Variants in CDH13 observed in about 807,000 individuals in gnomAD.
The protein encoded by CDH13 is cadherin-13.
CDH13 carries 24 observed loss-of-function variants against 63.8 expected under a neutral mutation model. The observed-to-expected ratio is 0.38, with a 90% confidence interval of 0.27 to 0.53. The LOEUF is 0.53. CDH13 is among the 20% of genes least tolerant of loss of function. The probability of loss-of-function intolerance (pLI) is 0.85; values close to 1 mark genes in which losing one functional copy is unlikely to be tolerated. For synonymous variants in CDH13, 503 were observed against 355.3 expected (o/e 1.42, Z -4.67); for missense variants, 1,049 against 903.1 (o/e 1.16, Z -2.07).
intron 5 of CDH13, among the ~76,000 whole-genome samples, chr16:83,336,059 G>T (rs1261594160): frequency 1.3e-5 from 2 of 152,030 alleles, no homozygotes; most frequent in African/African-American, 4.8e-5. Flanking sequence ...TCAGCACTTT[G>T]GGTGCCTGAG....
intron 1 of CDH13, among the ~76,000 whole-genome samples, chr16:82,729,878 C>G (rs1265933129): frequency 6.6e-6 from 1 of 152,220 alleles, no homozygotes. Flanking sequence ...TTGCAACTCT[C>G]TACATCAGCT....
intron 4 of CDH13, among the ~76,000 whole-genome samples, chr16:83,144,264 T>G (rs1335916705): frequency 6.6e-6 from 1 of 152,170 alleles, no homozygotes. Context: ...AGGCACCTTT[T>G]GTTCCTGCGG....
At chr16:83,550,154 C>G (rs555829628) in intron 7 of CDH13, among the ~76,000 whole-genome samples, 2 of 152,326 alleles carry the variant, frequency 1.3e-5, no homozygotes, top group Non-Finnish European at 2.9e-5. Flanking sequence ...AATGTATTCT[C>G]CAACGTGGCT....
intron 5 of CDH13, among the ~76,000 whole-genome samples, chr16:83,251,151 A>G (rs764019843): frequency 5.9e-5 from 9 of 152,104 alleles, no homozygotes; most frequent in East Asian, 1.9e-4. Context: ...TTGGGAAGTC[A>G]TTTCATAGAT....
chr16:83,157,789 T>C (rs1178235039), intron 4 of CDH13, among the ~76,000 whole-genome samples: 1 of 149,370 alleles, frequency 6.7e-6, no homozygotes, highest in Non-Finnish European at 1.5e-5. Flanking sequence ...GGTGCTTGCC[T>C]GTAGTCCCAG....
chr16:82,786,712 T>C (rs12919538), intron 1 of CDH13, among the ~76,000 whole-genome samples: 46,261 of 139,746 alleles, frequency 0.33, 7,583 homozygotes, highest in South Asian at 0.46. Context: ...TGTCCAAGCG[T>C]TCTCATTGTT....
intron 7 of CDH13, among the ~76,000 whole-genome samples, chr16:83,501,977 G>A (rs1410469333): frequency 6.6e-6 from 1 of 152,198 alleles, no homozygotes; most frequent in Non-Finnish European, 1.5e-5. Flanking sequence ...ATGTGAATCT[G>A]TGAATCTGAG....
chr16:83,087,630 T>C (rs1235926248), intron 3 of CDH13, among the ~76,000 whole-genome samples: 1 of 123,940 alleles, frequency 8.1e-6, no homozygotes, highest in Admixed American at 1.1e-4. Context: ...ACCGTGTCAT[T>C]GCACTCCAGC....
At chr16:83,123,994 G>A (rs934862997) in intron 3 of CDH13, among the ~76,000 whole-genome samples, 4 of 152,066 alleles carry the variant, frequency 2.6e-5, no homozygotes, top group Non-Finnish European at 5.9e-5. Flanking sequence ...TTGGCCCGTC[G>A]TACGTGTCCT....
At chr16:83,354,922 T>C (rs77325956) in intron 6 of CDH13, among the ~76,000 whole-genome samples, 217 of 152,316 alleles carry the variant, frequency 1.4e-3, no homozygotes, top group Middle Eastern at 3.4e-3. Context: ...TCGCACCATA[T>C]TGGTAGAATT....
intron 4 of CDH13, among the ~76,000 whole-genome samples, chr16:83,216,462 G>T (rs2039533877): frequency 1.9e-5 from 1 of 52,870 alleles, no homozygotes; most frequent in Non-Finnish European, 4.5e-5. Flanking sequence ...CTAATTTGAG[G>T]TTTATATATA....
rs546797080 is a variant in CDH13 at position 83,770,473 on chromosome 16, G to A, written c.1682-9495G>A. On this transcript the variant is annotated intron_variant, in intron 11 of 13. Transcript: ENST00000567109. ...AAAGAGGTCCCGATCCAGACTCCAA[G>A]AGAGAGTTCTTAGATCTCACGCAAG... Among the ~76,000 whole-genome samples the A allele has an allele frequency of 2.0e-5, 3 of 152,286 alleles. 1 individual carries two copies. In the East Asian group the frequency reaches 5.8e-4, roughly 29 times the overall value.
intron 1 of CDH13, among the ~76,000 whole-genome samples, chr16:82,735,169 T>A (rs561012397): frequency 1.2e-4 from 19 of 152,282 alleles, no homozygotes; most frequent in Non-Finnish European, 2.1e-4. Flanking sequence ...CTTCAAAGAT[T>A]CAGTCTATGT....
At chr16:82,907,060 T>G (rs1036349259) in intron 2 of CDH13, among the ~76,000 whole-genome samples, 15 of 152,120 alleles carry the variant, frequency 9.9e-5, no homozygotes, top group Non-Finnish European at 1.9e-4. Flanking sequence ...GTCACTAAAA[T>G]TTTCCTACCA....
At chr16:82,980,140 T>C (rs1343138739) in intron 2 of CDH13, among the ~76,000 whole-genome samples, 1 of 152,162 alleles carries the variant, frequency 6.6e-6, no homozygotes, top group African/African-American at 2.4e-5. Flanking sequence ...GGGAGCCCTC[T>C]CTGAAGTGGA....
At chr16:82,717,223 G>T (rs759541641) in intron 1 of CDH13, among the ~76,000 whole-genome samples, 7 of 151,916 alleles carry the variant, frequency 4.6e-5, no homozygotes, top group African/African-American at 1.7e-4. Flanking sequence ...TGCATAAGAG[G>T]ATGCCAAATC....
At chr16:83,161,190 ATT>A (rs1174901863) in intron 4 of CDH13, among the ~76,000 whole-genome samples, 5 of 152,226 alleles carry the variant, frequency 3.3e-5, no homozygotes, top group Non-Finnish European at 5.9e-5. Flanking sequence ...GAACAAATTA[ATT>A]AAAGCCTCCA....
rs953520907 is a variant in CDH13, at chr16:83,131,027, C to G, written c.483+5526C>G. ...GTGTCTTGACTGATACATAATTTAT[C>G]TGTCTGCCAAGTAATTAGTTGGTTG... On this transcript the variant is annotated intron_variant, in intron 4 of 13. Transcript: ENST00000567109. 3.9e-5 allele frequency among the ~76,000 whole-genome samples: 6 copies of G among 152,308 alleles called. No homozygotes were observed. In the East Asian group the frequency reaches 9.7e-4, roughly 25 times the overall value.
At chr16:83,274,086 A>G in intron 5 of CDH13, among the ~76,000 whole-genome samples, 1 of 151,958 alleles carries the variant, frequency 6.6e-6, no homozygotes, top group Non-Finnish European at 1.5e-5. Flanking sequence ...CCAATCTTAC[A>G]CCCTCTCGCC....
Sources: gnomAD v4.1 joint callset for allele counts (sites outside exome capture counted in the v4.1 genomes callset) on GRCh38, gnomAD v4.1.1 for gene constraint, MANE v1.5 for transcripts, NCBI Gene and HGNC (gene_info 2026-07-23, HGNC 2026-07-21) for gene names.